Variants in DDX59 observed in about 807,000 individuals in gnomAD.
DDX59 encodes the protein DEAD-box helicase 59, also known as probable ATP-dependent RNA helicase DDX59.
A neutral mutation model predicts 51.9 loss-of-function variants in DDX59; 30 were observed. The ratio of observed to expected loss-of-function variants is 0.58; its 90% CI spans 0.43 to 0.78. The LOEUF is 0.78. Among genes scored for constraint, DDX59 ranks in the 30% least tolerant of loss-of-function variants. The pLI, the probability that DDX59 is intolerant of heterozygous loss-of-function variation, is 0.00. For missense variants in DDX59, 672 were observed against 730.8 expected (o/e 0.92, Z 0.93); for synonymous variants, 255 against 253.3 (o/e 1.01, Z -0.06).
intron 2 of DDX59, among the ~76,000 whole-genome samples, chr1:200,664,436 G>T (rs530646776): frequency 6.6e-6 from 1 of 152,258 alleles, no homozygotes; most frequent in African/African-American, 2.4e-5. Flanking sequence ...TGCAGATCTG[G>T]TCAAAGCTGG....
chr1:200,665,122 G>A lies in DDX59; in HGVS notation c.804+815C>T, dbSNP rs919601599. On this transcript the variant is annotated intron_variant, in intron 2 of 7. Coordinates refer to ENST00000331314, the MANE Select transcript of DDX59 (RefSeq NM_001031725.6). ...ACTATAAACTAACAAGTAAGGTATG[G>A]TAGTGATTATTTTAAGATGAACCAT... 6.6e-5 allele frequency among the ~76,000 whole-genome samples: 10 copies of A among 152,290 alleles called. No homozygotes were observed. The South Asian group carries it at 1.0e-3, about 16-fold the overall frequency.
At chr1:200,641,734 G>A (rs949518988), downstream of DDX59, among the ~76,000 whole-genome samples, 4 of 152,196 alleles carry the variant, frequency 2.6e-5, no homozygotes, top group Non-Finnish European at 5.9e-5. Flanking sequence ...GCTGTGTGTG[G>A]TGGCTCAGGC....
chr1:200,657,840 G>A (rs931805635), intron 4 of DDX59, among the ~76,000 whole-genome samples: 1 of 151,644 alleles, frequency 6.6e-6, no homozygotes, highest in African/African-American at 2.4e-5. Context: ...CCACTTGAAC[G>A]CAGGAGGTGG....
At chr1:200,650,823 T>C (rs1661613633) in intron 4 of DDX59, 147 bp from the exon 5 acceptor site, 4 of 673,756 alleles carry the variant, frequency 5.9e-6, no homozygotes, top group South Asian at 2.9e-5. Context: ...TGGAAAAATA[T>C]GTTTATACTA....
rs368130665 is a variant in DDX59 at position 200,655,363 on chromosome 1, C to T, written c.1062+3664G>A. On this transcript the variant is annotated intron_variant, in intron 4 of 7. Transcript: ENST00000331314. Reference sequence around the variant, plus strand: ...GACTCCTACTGCCTCCACCGTGTGACCCCTTACCCCTGTCTGGATTGCTGG... The same window carrying T: ...GACTCCTACTGCCTCCACCGTGTGATCCCTTACCCCTGTCTGGATTGCTGG... Among the ~76,000 whole-genome samples the T allele has an allele frequency of 5.3e-3, 704 of 133,354 alleles. 9 individuals are homozygous for T. The highest frequency in any genetic ancestry group is 0.017 in the African/African-American group (678 of 40,238). The allele number at this position is 133,354 out of a possible 152,430, so 87.5% of individuals were successfully genotyped here.
At chr1:200,665,365 G>A (rs1662651102) in intron 2 of DDX59, among the ~76,000 whole-genome samples, 1 of 151,896 alleles carries the variant, frequency 6.6e-6, no homozygotes, top group South Asian at 2.1e-4. Context: ...TGAGGCAGGA[G>A]AATCACTTGA....
intron 1 of DDX59, among the ~76,000 whole-genome samples, chr1:200,668,169 T>TGG (rs1662908253): frequency 6.6e-6 from 1 of 152,002 alleles, no homozygotes; most frequent in East Asian, 1.9e-4. Context: ...TAGCCGGGCG[T>TGG]TGGCGGCAGG....
chr1:200,652,282 A>C (rs1362377141), intron 4 of DDX59, among the ~76,000 whole-genome samples: 1 of 152,148 alleles, frequency 6.6e-6, no homozygotes, highest in Non-Finnish European at 1.5e-5. Flanking sequence ...CCTTCTAAGC[A>C]GCTGGGACTA....
intron 4 of DDX59, among the ~76,000 whole-genome samples, chr1:200,651,807 G>C (rs1339207756): frequency 6.6e-6 from 1 of 152,060 alleles, no homozygotes; most frequent in Non-Finnish European, 1.5e-5. Context: ...AGGAGATCGA[G>C]ACCATCCTGG....
At chr1:200,645,070 G>A (rs1661214899) in intron 7 of DDX59, among the ~76,000 whole-genome samples, 1 of 152,078 alleles carries the variant, frequency 6.6e-6, no homozygotes, top group South Asian at 2.1e-4. Context: ...TAAAATAAAA[G>A]TAAGTATCAT....
chr1:200,642,490 T>G (rs1361337001), downstream of DDX59, among the ~76,000 whole-genome samples: 1 of 152,182 alleles, frequency 6.6e-6, no homozygotes, highest in Non-Finnish European at 1.5e-5. Context: ...CCAAATTTTT[T>G]TAAAAGTCTA....
chr1:200,650,520 T>C lies in DDX59; in HGVS notation c.1219A>G (p.Thr407Ala). 1 of 1,614,100 alleles carries C rather than the reference T, an allele frequency of 6.2e-7. No individual in the cohort carries two copies. The highest frequency in any genetic ancestry group is 8.5e-7 in the Non-Finnish European group (1 of 1,179,978). Residue 407 changes from threonine to alanine, a missense_variant, in exon 5 of 8, where the codon ACT (threonine) becomes GCT (alanine). Coordinates refer to ENST00000331314, the MANE Select transcript of DDX59 (RefSeq NM_001031725.6). ...QLLHNPVRII[T>A]GEKNLPCANV... ...GCACAAGGTAGGTTCTTTTCTCCAGTGATAATTCTCACAGGATTATGCAGA... is the reference window on the plus strand; with the variant it reads ...GCACAAGGTAGGTTCTTTTCTCCAGCGATAATTCTCACAGGATTATGCAGA...
At chr1:200,668,126 G>C (rs1359229042) in intron 1 of DDX59, among the ~76,000 whole-genome samples, 1 of 151,924 alleles carries the variant, frequency 6.6e-6, no homozygotes, top group Non-Finnish European at 1.5e-5. Flanking sequence ...GTGAAACCCC[G>C]TCTCTATTAA....
chr1:200,642,859 G>T (rs964283787), downstream of DDX59, among the ~76,000 whole-genome samples: 1 of 152,242 alleles, frequency 6.6e-6, no homozygotes, highest in African/African-American at 2.4e-5. Flanking sequence ...GGCCCACAAT[G>T]ACCGACGCAA....
intron 4 of DDX59, among the ~76,000 whole-genome samples, chr1:200,658,029 G>A (rs1415074758): frequency 1.3e-5 from 2 of 152,192 alleles, no homozygotes; most frequent in East Asian, 3.8e-4. Context: ...TCAAATCTTG[G>A]TCTTGCGGGT....
chr1:200,659,847 G>A (rs1345135802), intron 3 of DDX59, among the ~76,000 whole-genome samples: 1 of 151,994 alleles, frequency 6.6e-6, no homozygotes, highest in Non-Finnish European at 1.5e-5. Flanking sequence ...CACCACACCT[G>A]GCTAATTTTT....
At chr1:200,654,416 AG>A (rs1253923127) in intron 4 of DDX59, 1 of 151,392 alleles carries the variant, frequency 6.6e-6, no homozygotes, top group African/African-American at 2.4e-5. Context: ...GAATTGCCTG[AG>A]GGGAAAAAAA....
intron 4 of DDX59, among the ~76,000 whole-genome samples, chr1:200,654,152 G>A (rs2102874240): frequency 6.6e-6 from 1 of 152,332 alleles, no homozygotes; most frequent in East Asian, 1.9e-4. Context: ...GGTGGCTCAA[G>A]CCTGTAATCC....
intron 1 of DDX59, 98 bp from the exon 2 acceptor site, chr1:200,666,849 T>C: frequency 7.9e-7 from 1 of 1,267,156 alleles, no homozygotes; most frequent in East Asian, 2.5e-5. Context: ...GGCTCACCCC[T>C]GTAATCCCAG....
Sources: allele counts gnomAD v4.1 joint callset (sites outside exome capture counted in the v4.1 genomes callset), GRCh38; gene constraint gnomAD v4.1.1; transcripts MANE v1.5; gene names NCBI Gene and HGNC (gene_info 2026-07-23, HGNC 2026-07-21).